The following SINHCAF variants were observed in gnomAD, a reference collection of about 807,000 sequenced individuals.
SINHCAF encodes the protein SIN3-HDAC complex associated factor.
Under a neutral mutation model 25.8 loss-of-function variants are expected in SINHCAF, and 3 were observed. The ratio of observed to expected loss-of-function variants is 0.12; its 90% confidence interval spans 0.05 to 0.30. The LOEUF (loss-of-function observed/expected upper bound fraction) is 0.30. Among genes scored for constraint, SINHCAF ranks in the 10% least tolerant of loss-of-function variants. The probability of loss-of-function intolerance (pLI) is 1.00; values close to 1 mark genes in which losing one functional copy is unlikely to be tolerated. For synonymous variants in SINHCAF, 70 were observed against 85.5 expected (o/e 0.82, Z 1.00); for missense variants, 121 against 262.3 (o/e 0.46, Z 3.72).
At chr12:31,307,159 T>C (rs1004980669) in intron 1 of SINHCAF, among the ~76,000 whole-genome samples, 2 of 152,136 alleles carry the variant, frequency 1.3e-5, no homozygotes, top group African/African-American at 2.4e-5. Context: ...GTCTGCTAAA[T>C]TCATATTTCA....
At chr12:31,314,841 T>C (rs1035339101) in intron 1 of SINHCAF, among the ~76,000 whole-genome samples, 1 of 152,234 alleles carries the variant, frequency 6.6e-6, no homozygotes, top group African/African-American at 2.4e-5. Flanking sequence ...TCTTCAGTCA[T>C]CCTGGTCCAT....
intron 1 of SINHCAF, chr12:31,305,059 A>G (rs1179119244): frequency 6.6e-6 from 1 of 152,200 alleles, no homozygotes. Context: ...TCAGGGTTGA[A>G]GCTGTTTGGT....
chr12:31,323,724 T>C lies in SINHCAF; in HGVS notation c.-21+2300A>G, dbSNP rs1181927855. 1.1e-4 allele frequency among the ~76,000 whole-genome samples: 16 copies of C among 147,636 alleles called. 1 individual carries two copies. The highest frequency in any genetic ancestry group is 1.1e-3 in the Admixed American group (16 of 14,942). ...ACCCCCTAGAAACACACAAAGAAAC[T>C]GGCCGCACGCACAATTCGCCCACAG... On this transcript the variant is annotated intron_variant, in intron 1 of 5. Transcript: ENST00000337682.
intron 4 of SINHCAF, 89 bp from the exon 5 acceptor site, chr12:31,287,873 G>C: frequency 1.1e-6 from 1 of 912,094 alleles, no homozygotes; most frequent in Non-Finnish European, 1.6e-6. Context: ...CTGTGAAAGA[G>C]TTGGTAAAAA....
chr12:31,282,895 G>C (rs1937865210), intron 5 of SINHCAF, 24 bp from the exon 6 acceptor site: 1 of 1,547,884 alleles, frequency 6.5e-7, no homozygotes, highest in Non-Finnish European at 8.7e-7. Flanking sequence ...TGGAGAACAA[G>C]ATACATTAAT....
At position 31,324,434 on chromosome 12, in the gene SINHCAF, T is replaced by TCGCC. The variant is rs3832854; in HGVS notation, c.-21+1586_-21+1589dup. The TCGCC allele has an allele frequency of 0.016, 2,506 of 158,402 alleles. 174 individuals carry two copies. The East Asian group carries it at 0.24, about 15-fold the overall frequency. 9.8% of individuals were successfully genotyped at this position (158,402 alleles called of 1,614,324 possible). A position where few individuals can be genotyped will look rare whatever the true frequency, so the allele number is the denominator to read the frequency against. On this transcript the variant is annotated intron_variant, in intron 1 of 5. Transcript: ENST00000337682. The surrounding 1 kb of genome is among the most constrained non-coding windows in gnomAD (Gnocchi z 5.5). The stretch of plus-strand genomic sequence containing the variant: ...CGCCGGGCACTGCCGCCTCCCTCGG[T>TCGCC]CGCCCGCCCGCACGCCCGGAGCGGG...
intron 4 of SINHCAF, among the ~76,000 whole-genome samples, chr12:31,292,498 C>CAA (rs199891087): frequency 3.3e-5 from 4 of 122,386 alleles, no homozygotes; most frequent in East Asian, 2.3e-4. Context: ...GACCCTGTTT[C>CAA]AAAAAAAAAA....
chr12:31,296,024 AT>A (rs200012658), intron 2 of SINHCAF, among the ~76,000 whole-genome samples: 2,370 of 150,008 alleles, frequency 0.016, 37 homozygotes, highest in East Asian at 0.048. Flanking sequence ...CTACTTTAAA[AT>A]TTTTTTTTTT....
chr12:31,292,516 A>G (rs1938369935), intron 4 of SINHCAF, among the ~76,000 whole-genome samples: 1 of 152,032 alleles, frequency 6.6e-6, no homozygotes, highest in South Asian at 2.1e-4. Flanking sequence ...AAAAAGAAAT[A>G]AAAGAAAATA....
intron 1 of SINHCAF, chr12:31,312,159 T>C (rs1391093583): frequency 1.4e-5 from 5 of 366,948 alleles, no homozygotes; most frequent in African/African-American, 8.4e-5. Flanking sequence ...ATTGGAACTA[T>C]ACAGAATGTA....
At chr12:31,311,715 T>G in intron 1 of SINHCAF, 1 of 508,722 alleles carries the variant, frequency 2.0e-6, no homozygotes, top group East Asian at 4.5e-5. Context: ...ATGGTGAATT[T>G]TTCATGTCTC....
intron 1 of SINHCAF, among the ~76,000 whole-genome samples, chr12:31,321,578 G>GT (rs1217642131): frequency 6.6e-6 from 1 of 151,938 alleles, no homozygotes; most frequent in Non-Finnish European, 1.5e-5. Flanking sequence ...TTTAAAATAG[G>GT]TATTACTACC....
intron 1 of SINHCAF, among the ~76,000 whole-genome samples, chr12:31,301,087 G>C (rs1938772265): frequency 6.6e-6 from 1 of 152,154 alleles, no homozygotes; most frequent in Non-Finnish European, 1.5e-5. Flanking sequence ...ACTGAGGTTG[G>C]ATTTGACCAA....
chr12:31,311,361 A>C (rs1193512403), intron 1 of SINHCAF, among the ~76,000 whole-genome samples: 1 of 152,240 alleles, frequency 6.6e-6, no homozygotes, highest in African/African-American at 2.4e-5. Flanking sequence ...AGACAAGCCG[A>C]TAAATGTCAG....
intron 1 of SINHCAF, among the ~76,000 whole-genome samples, chr12:31,319,764 C>A (rs1939628966): frequency 6.6e-6 from 1 of 152,154 alleles, no homozygotes; most frequent in Non-Finnish European, 1.5e-5. Flanking sequence ...ACCTATTATT[C>A]ATTCCCTGGT....
chr12:31,311,884 C>T, intron 1 of SINHCAF: 1 of 504,778 alleles, frequency 2.0e-6, no homozygotes, highest in Non-Finnish European at 3.9e-6. Flanking sequence ...ATGAAGGTGG[C>T]ATCCACCAGC....
intron 1 of SINHCAF, among the ~76,000 whole-genome samples, chr12:31,308,595 T>C (rs911746404): frequency 6.6e-6 from 1 of 152,168 alleles, no homozygotes; most frequent in African/African-American, 2.4e-5. Flanking sequence ...GAAGAAAGTG[T>C]GTCAGAGCAA....
chr12:31,321,038 C>T (rs1486924013), intron 1 of SINHCAF, among the ~76,000 whole-genome samples: 3 of 152,182 alleles, frequency 2.0e-5, no homozygotes, highest in African/African-American at 4.8e-5. Flanking sequence ...GTACCTGTGA[C>T]ATTAGTATTT....
At position 31,282,587 on chromosome 12, in the gene SINHCAF, A is replaced by G; in HGVS notation, c.*125T>C. 1 of 765,008 alleles carries G rather than the reference A, an allele frequency of 1.3e-6. No homozygotes were observed. Among genetic ancestry groups the G allele is most frequent in the Non-Finnish European group, 2.0e-6 (1 of 489,320 alleles). 47.4% of individuals were successfully genotyped at this position (765,008 alleles called of 1,614,324 possible). On this transcript the variant is annotated 3_prime_UTR_variant, in exon 6 of 6. Transcript: ENST00000337682. Reference sequence around the variant, plus strand: ...CAGTGAGCCAAGATCACGCCACTGCACTCCAGCCTGGGTAACAAGAGCAAA... The same window carrying G: ...CAGTGAGCCAAGATCACGCCACTGCGCTCCAGCCTGGGTAACAAGAGCAAA...
Sources: gnomAD v4.1 joint callset for allele counts (sites outside exome capture counted in the v4.1 genomes callset) on GRCh38, gnomAD v4.1.1 for gene constraint, Gnocchi (gnomAD v3.1) non-coding constraint, MANE v1.5 for transcripts, NCBI Gene and HGNC (gene_info 2026-07-23, HGNC 2026-07-21) for gene names.